Variants in PADI4 observed in about 807,000 individuals in gnomAD.
The protein encoded by PADI4 is peptidyl arginine deiminase 4.
A neutral mutation model predicts 75.0 loss-of-function variants in PADI4; 62 were observed. That is an observed-to-expected ratio of 0.83 (90% CI 0.67 to 1.02). PADI4 has a LOEUF of 1.02. PADI4 is among the 50% of genes least tolerant of loss of function. The pLI is 0.00. For synonymous variants in PADI4, 361 were observed against 348.1 expected (o/e 1.04, Z -0.41); for missense variants, 845 against 850.5 (o/e 0.99, Z 0.08).
intron 15 of PADI4, among the ~76,000 whole-genome samples, chr1:17,362,342 AC>A (rs756183250): frequency 7.3e-4 from 90 of 123,956 alleles, no homozygotes; most frequent in Admixed American, 1.4e-3. Context: ...GAAGAGTAAG[AC>A]CCTGTCTCAA....
chr1:17,342,349 G>T lies in PADI4; in HGVS notation c.882G>T (p.Ala294=), dbSNP rs765222511. 1.2e-6 allele frequency: 2 copies of T among 1,613,938 alleles called. No homozygotes were observed. The highest frequency in any genetic ancestry group is 2.2e-5 in the South Asian group (2 of 91,062). The change falls in exon 8 of 16, where the codon GCG becomes GCT. Residue 294 remains alanine, a synonymous_variant. Transcript: ENST00000375448. ...VFQDSVVFRV[A]PWIMTPNTQP... ...AAGACAGCGTGGTCTTCCGCGTGGCGCCCTGGATCATGACCCCCAACACCC... is the reference window on the plus strand; with the variant it reads ...AAGACAGCGTGGTCTTCCGCGTGGCTCCCTGGATCATGACCCCCAACACCC...
chr1:17,313,659 C>T (rs1020813392), intron 1 of PADI4, among the ~76,000 whole-genome samples: 9 of 152,020 alleles, frequency 5.9e-5, no homozygotes, highest in Admixed American at 2.0e-4. Context: ...TTGACAGCAG[C>T]GAGGACTGCA....
At chr1:17,332,266 G>C (rs924595568) in intron 2 of PADI4, among the ~76,000 whole-genome samples, 1 of 152,072 alleles carries the variant, frequency 6.6e-6, no homozygotes, top group African/African-American at 2.4e-5. Flanking sequence ...ATTTTTTTGA[G>C]ACAAGAGTCT....
intron 1 of PADI4, among the ~76,000 whole-genome samples, chr1:17,312,285 C>A (rs2073850189): frequency 6.6e-6 from 1 of 151,908 alleles, no homozygotes; most frequent in South Asian, 2.1e-4. Context: ...CATGGTGAAA[C>A]CCCATCTCTA....
intron 5 of PADI4, among the ~76,000 whole-genome samples, chr1:17,339,163 G>T (rs367550087): frequency 6.6e-6 from 1 of 152,034 alleles, no homozygotes; most frequent in Non-Finnish European, 1.5e-5. Context: ...CAAATTGACC[G>T]CAAAGCCTTT....
intron 1 of PADI4, among the ~76,000 whole-genome samples, chr1:17,321,589 G>A (rs146027670): frequency 7.3e-4 from 111 of 152,330 alleles, no homozygotes; most frequent in Admixed American, 1.2e-3. Flanking sequence ...AATTGACTTC[G>A]TGAGGGTAGA....
intron 1 of PADI4, among the ~76,000 whole-genome samples, chr1:17,310,693 G>C (rs1453833211): frequency 1.3e-5 from 2 of 152,144 alleles, no homozygotes; most frequent in African/African-American, 4.8e-5. Context: ...GGGCACGGTG[G>C]CTTATGCCTG....
At chr1:17,333,278 C>T (rs1055247408) in intron 2 of PADI4, among the ~76,000 whole-genome samples, 9 of 152,118 alleles carry the variant, frequency 5.9e-5, no homozygotes, top group East Asian at 5.8e-4. Flanking sequence ...AGGGCAGGTC[C>T]GAGCACCTCC....
intron 1 of PADI4, among the ~76,000 whole-genome samples, chr1:17,324,072 G>A (rs1229846456): frequency 6.6e-6 from 1 of 150,774 alleles, no homozygotes; most frequent in Non-Finnish European, 1.5e-5. Context: ...GTGAACACAT[G>A]AAAGAGATTC....
intron 1 of PADI4, among the ~76,000 whole-genome samples, chr1:17,320,031 C>T (rs2147333): frequency 0.91 from 139,298 of 152,290 alleles, 63,746 homozygotes; most frequent in Middle Eastern, 0.96. Context: ...ACAGCACAAA[C>T]TTATTACTTA....
chr1:17,341,740 C>G lies in PADI4; in HGVS notation c.653-203C>G, dbSNP rs1031925519. On this transcript the variant is annotated intron_variant, in intron 6 of 15. Coordinates refer to ENST00000375448, the MANE Select transcript of PADI4 (RefSeq NM_012387.3). ...GCTCAGGCACCCCTGCCACACCCTT[C>G]TGGGACTTCAGCCGGGGAGCAGCGT... 2.6e-5 allele frequency among the ~76,000 whole-genome samples: 4 copies of G among 152,242 alleles called. No individual in the cohort carries two copies. In the East Asian group the frequency reaches 5.8e-4, roughly 22 times the overall value.
At chr1:17,330,844 C>A in intron 1 of PADI4, 125 bp from the exon 2 acceptor site, 1 of 631,034 alleles carries the variant, frequency 1.6e-6, no homozygotes, top group Non-Finnish European at 2.6e-6. Flanking sequence ...AAATACTTCG[C>A]ATCTTTCAGT....
At position 17,351,689 on chromosome 1, in the gene PADI4, A is replaced by G. The variant is rs911120214; in HGVS notation, c.1156-2844A>G. Among the ~76,000 whole-genome samples, 3 of 151,476 alleles carry G rather than the reference A, an allele frequency of 2.0e-5. No individual in the cohort carries two copies. In the South Asian group the frequency reaches 6.2e-4, roughly 31 times the overall value. On this transcript the variant is annotated intron_variant, in intron 10 of 15. Coordinates refer to ENST00000375448, the MANE Select transcript of PADI4 (RefSeq NM_012387.3). The stretch of plus-strand genomic sequence containing the variant: ...GGCTTCACGGAGAAGCTGACCTTGC[A>G]GCAGATGCTTGAGGGAGGTGAGCGA...
At chr1:17,337,871 C>T (rs921426224) in intron 4 of PADI4, among the ~76,000 whole-genome samples, 167 bp from the exon 5 acceptor site, 14 of 152,194 alleles carry the variant, frequency 9.2e-5, no homozygotes, top group African/African-American at 2.2e-4. Context: ...GCCAAGATCA[C>T]GCCACTGCAC....
intron 5 of PADI4, among the ~76,000 whole-genome samples, chr1:17,339,221 C>A (rs930184748): frequency 6.6e-6 from 1 of 152,156 alleles, no homozygotes; most frequent in African/African-American, 2.4e-5. Flanking sequence ...TCTTCACTCT[C>A]CCCACCCTCT....
At chr1:17,327,173 A>C (rs746827727) in intron 1 of PADI4, among the ~76,000 whole-genome samples, 7 of 152,062 alleles carry the variant, frequency 4.6e-5, no homozygotes, top group Admixed American at 3.9e-4. Context: ...TTGGCCTCCC[A>C]ATGTGTTGGT....
Position 17,338,093 on chromosome 1 carries a change from A to G in PADI4, c.464A>G (p.Asp155Gly), listed in dbSNP as rs1375153198. 1 of 1,613,702 alleles carries G rather than the reference A, an allele frequency of 6.2e-7. No individual in the cohort carries two copies. The highest frequency in any genetic ancestry group is 8.5e-7 in the Non-Finnish European group (1 of 1,179,730). The change falls in exon 5 of 16, where the codon GAC becomes GGC. Residue 155 changes from aspartate to glycine, a missense_variant. Coordinates refer to ENST00000375448, the MANE Select transcript of PADI4 (RefSeq NM_012387.3). ...GGTGCCATCCTGCTGGTGAACTGTG[A>G]CAGAGACAATCTCGAATCTTCTGCC... is the stretch of plus-strand genomic sequence containing the variant. ...GQGAILLVNC[D>G]RDNLESSAMD...
At chr1:17,314,299 T>C (rs1251373767) in intron 1 of PADI4, among the ~76,000 whole-genome samples, 1 of 152,210 alleles carries the variant, frequency 6.6e-6, no homozygotes, top group Non-Finnish European at 1.5e-5. Context: ...GCCTGGCTTA[T>C]CACTGAGGCT....
At chr1:17,339,854 A>T in intron 6 of PADI4, 41 bp downstream of exon 6, 1 of 1,554,496 alleles carries the variant, frequency 6.4e-7, no homozygotes, top group Non-Finnish European at 8.7e-7. Context: ...GCCCTGGCCA[A>T]CGGGGCACAA....
Sources: allele counts gnomAD v4.1 joint callset (sites outside exome capture counted in the v4.1 genomes callset), GRCh38; gene constraint gnomAD v4.1.1; transcripts MANE v1.5; gene names NCBI Gene and HGNC (gene_info 2026-07-23, HGNC 2026-07-21).